ST6GALNAC3: variants seen among roughly 807,000 people sequenced by gnomAD.
ST6GALNAC3 encodes alpha-N-acetylgalactosaminide alpha-2,6-sialyltransferase 3.
In ST6GALNAC3, 25 loss-of-function variants were observed where a neutral mutation model predicts 32.7. The observed-to-expected ratio is 0.76, with a 90% CI of 0.56 to 1.07. The LOEUF (loss-of-function observed/expected upper bound fraction) is 1.07. Among genes scored for constraint, ST6GALNAC3 ranks in the 50% least tolerant of loss-of-function variants. The pLI is 0.00. For synonymous variants in ST6GALNAC3, 129 were observed against 133.1 expected, an observed-to-expected ratio of 0.97 and a Z score of 0.21; for missense variants, 355 against 382.4, an observed-to-expected ratio of 0.93 and a Z score of 0.60.
chr1:76,286,393 G>A (rs1331889759), intron 1 of ST6GALNAC3, among the ~76,000 whole-genome samples: 12 of 152,180 alleles, frequency 7.9e-5, no homozygotes, highest in Non-Finnish European at 1.5e-5. Context: ...AATTTTTTCT[G>A]CAGAGTGAAC....
At position 76,535,952 on chromosome 1, in the gene ST6GALNAC3, T is replaced by C. The variant is rs1260908527; in HGVS notation, c.624-91500T>C. On this transcript the variant is annotated intron_variant, in intron 3 of 4. Transcript: ENST00000328299. Reference sequence around the variant, plus strand: ...GCAAAAATAGCATTTGATGGCTATTTTATTCTACTCTTCTTGGGCAAAAGA... The same window carrying C: ...GCAAAAATAGCATTTGATGGCTATTCTATTCTACTCTTCTTGGGCAAAAGA... Among the ~76,000 whole-genome samples the C allele has an allele frequency of 2.0e-5, 3 of 152,178 alleles. No homozygotes were observed. In the East Asian group the frequency reaches 5.8e-4, roughly 29 times the overall value.
chr1:76,152,370 A>G (rs1651099967), intron 1 of ST6GALNAC3, among the ~76,000 whole-genome samples: 1 of 152,210 alleles, frequency 6.6e-6, no homozygotes, highest in Non-Finnish European at 1.5e-5. Context: ...ACAGAGAAGC[A>G]GCTTCTAAAC....
Position 76,525,051 on chromosome 1 carries a change from C to A in ST6GALNAC3, c.624-102401C>A, listed in dbSNP as rs145509937. 3.3e-3 allele frequency among the ~76,000 whole-genome samples: 495 copies of A among 152,140 alleles called. 3 individuals are homozygous for A. The highest frequency in any genetic ancestry group is 0.011 in the African/African-American group (461 of 41,518). ...TTTCCATTTCTACATAATATTCTCTCATTATGAAATCATCAGTGCATTTTT... is the reference window on the plus strand; with the variant it reads ...TTTCCATTTCTACATAATATTCTCTAATTATGAAATCATCAGTGCATTTTT... On this transcript the variant is annotated intron_variant, in intron 3 of 4. Coordinates refer to ENST00000328299, the MANE Select transcript of ST6GALNAC3 (RefSeq NM_152996.4).
chr1:76,182,962 T>C (rs1451686364), intron 1 of ST6GALNAC3, among the ~76,000 whole-genome samples: 1 of 152,160 alleles, frequency 6.6e-6, no homozygotes, highest in Non-Finnish European at 1.5e-5. Flanking sequence ...ATTTGAGAAA[T>C]GGAATCTGTA....
chr1:76,341,706 C>A (rs1055006698), intron 2 of ST6GALNAC3, among the ~76,000 whole-genome samples: 4 of 63,488 alleles, frequency 6.3e-5, no homozygotes, highest in South Asian at 8.7e-4. Flanking sequence ...TCTTTCTTTC[C>A]TTCTTTCTTT....
chr1:76,474,817 A>T (rs147977132), intron 3 of ST6GALNAC3, among the ~76,000 whole-genome samples: 10 of 152,130 alleles, frequency 6.6e-5, no homozygotes, highest in African/African-American at 2.4e-4. Flanking sequence ...GAAAAAGCCA[A>T]CTCGCATCCT....
chr1:76,393,212 C>G (rs917475179), intron 2 of ST6GALNAC3, among the ~76,000 whole-genome samples: 2 of 152,146 alleles, frequency 1.3e-5, no homozygotes, highest in African/African-American at 4.8e-5. Context: ...TATGTTTAAG[C>G]AGTGATTTGG....
At chr1:76,515,732 G>A (rs924720652) in intron 3 of ST6GALNAC3, among the ~76,000 whole-genome samples, 21 of 152,088 alleles carry the variant, frequency 1.4e-4, no homozygotes, top group Admixed American at 2.6e-4. Context: ...AGTTTTTCTC[G>A]TTGTTGATTT....
chr1:76,361,311 G>T (rs1649914580), intron 2 of ST6GALNAC3, among the ~76,000 whole-genome samples: 1 of 151,924 alleles, frequency 6.6e-6, no homozygotes, highest in African/African-American at 2.4e-5. Flanking sequence ...CTGCACTACT[G>T]CATGGAACCA....
At chr1:76,525,790 T>TATATATATATATATATATATAC (rs1557528677) in intron 3 of ST6GALNAC3, among the ~76,000 whole-genome samples, 5 of 80,676 alleles carry the variant, frequency 6.2e-5, no homozygotes, top group South Asian at 4.9e-4. Flanking sequence ...TGTGTGTGTG[T>TATATATATATATATATATATAC]GTATATATAT....
At chr1:76,503,355 C>T (rs546732642) in intron 3 of ST6GALNAC3, among the ~76,000 whole-genome samples, 4 of 152,228 alleles carry the variant, frequency 2.6e-5, no homozygotes, top group Admixed American at 6.5e-5. Context: ...GCAGGAAGAA[C>T]GCCCACTGGG....
chr1:76,437,724 C>T (rs55845739), intron 3 of ST6GALNAC3, among the ~76,000 whole-genome samples: 4,606 of 151,640 alleles, frequency 0.03, 253 homozygotes, highest in African/African-American at 0.11. Flanking sequence ...ACTACAGGCA[C>T]GCACCACTAC....
chr1:76,283,914 C>T (rs1659635224), intron 1 of ST6GALNAC3, among the ~76,000 whole-genome samples: 1 of 152,104 alleles, frequency 6.6e-6, no homozygotes, highest in Non-Finnish European at 1.5e-5. Flanking sequence ...ATGTTGTAAA[C>T]CTAACTTAGT....
chr1:76,082,460 T>C (rs1646909941), intron 1 of ST6GALNAC3, among the ~76,000 whole-genome samples: 1 of 152,208 alleles, frequency 6.6e-6, no homozygotes, highest in Admixed American at 6.5e-5. Flanking sequence ...AATTTGTTAA[T>C]TTCTCTCCTT....
At chr1:76,336,666 G>T (rs1647501496) in intron 2 of ST6GALNAC3, among the ~76,000 whole-genome samples, 1 of 152,184 alleles carries the variant, frequency 6.6e-6, no homozygotes, top group South Asian at 2.1e-4. Flanking sequence ...GGGCTGTCAA[G>T]ACATCTCAGG....
intron 1 of ST6GALNAC3, among the ~76,000 whole-genome samples, chr1:76,285,246 A>G (rs1351249984): frequency 6.6e-6 from 1 of 152,216 alleles, no homozygotes; most frequent in African/African-American, 2.4e-5. Flanking sequence ...GGGGTTACCA[A>G]ACTAATCTGT....
At chr1:76,510,245 A>C (rs1228603895) in intron 3 of ST6GALNAC3, among the ~76,000 whole-genome samples, 1 of 152,194 alleles carries the variant, frequency 6.6e-6, no homozygotes, top group Non-Finnish European at 1.5e-5. Flanking sequence ...CTGGCCAACA[A>C]CTTTAAAATG....
intron 3 of ST6GALNAC3, among the ~76,000 whole-genome samples, chr1:76,539,638 A>C (rs1663858989): frequency 6.7e-6 from 1 of 148,974 alleles, no homozygotes; most frequent in African/African-American, 2.5e-5. Context: ...TCTAATATCC[A>C]GAATTTACTA....
chr1:76,366,959 A>G (rs1198815780), intron 2 of ST6GALNAC3, among the ~76,000 whole-genome samples: 3 of 152,216 alleles, frequency 2.0e-5, no homozygotes, highest in Non-Finnish European at 4.4e-5. Context: ...TGACCACTCT[A>G]GCCATATCAG....
Sources: allele counts gnomAD v4.1 joint callset (sites outside exome capture counted in the v4.1 genomes callset), GRCh38; gene constraint gnomAD v4.1.1; transcripts MANE v1.5; gene names NCBI Gene and HGNC (gene_info 2026-07-23, HGNC 2026-07-21).